CFAP54: variants seen among roughly 807,000 people sequenced by gnomAD.
CFAP54 encodes cilia- and flagella-associated protein 54.
Under a neutral mutation model 370.4 loss-of-function variants are expected in CFAP54, and 290 were observed. The observed-to-expected ratio is 0.78, with a 90% confidence interval of 0.71 to 0.86. The LOEUF is 0.86. Ranked by LOEUF, CFAP54 falls within the 40% of genes least tolerant of loss-of-function variation. The pLI, the probability that CFAP54 is intolerant of heterozygous loss-of-function variation, is 0.00. For synonymous variants in CFAP54, 1,206 were observed against 1,236.5 expected, an observed-to-expected ratio of 0.98 and a Z score of 0.52; for missense variants, 3,399 against 3,528.7, an observed-to-expected ratio of 0.96 and a Z score of 0.93.
intron 60 of CFAP54, among the ~76,000 whole-genome samples, chr12:96,780,305 T>C (rs1958568675): frequency 6.6e-6 from 1 of 152,190 alleles, no homozygotes; most frequent in Admixed American, 6.5e-5. Flanking sequence ...ATTTTTAATC[T>C]TTCACAGTTA....
In CFAP54 at chr12:96,573,079, G is replaced by A. The variant is rs548065936; in HGVS notation, c.2620-3506G>A. The A allele has an allele frequency of 2.5e-4, 235 of 950,528 alleles. No homozygotes were observed. The African/African-American group carries it at 3.4e-3, about 14-fold the overall frequency. The allele number at this position is 950,528 out of a possible 1,614,324, so 58.9% of individuals were successfully genotyped here. A position where few individuals can be genotyped will look rare whatever the true frequency, so the allele number is the denominator to read the frequency against. On this transcript the variant is annotated intron_variant, in intron 19 of 67. Coordinates refer to ENST00000524981, the MANE Select transcript of CFAP54 (RefSeq NM_001306084.2). ...AAAGGCAGTCTGCTTGACTATAAGG[G>A]CCAGTGGGCCAGTGCTGCTGGTATA...
intron 33 of CFAP54, among the ~76,000 whole-genome samples, chr12:96,647,417 G>T (rs190765086): frequency 4.7e-3 from 634 of 134,440 alleles, no homozygotes; most frequent in South Asian, 0.018. Flanking sequence ...AGCTTGCAGT[G>T]AGCCGATATC....
rs559664746 is a variant in CFAP54 at position 96,610,150 on chromosome 12, A to G, written c.3639+11383A>G. On this transcript the variant is annotated intron_variant, in intron 26 of 67. Transcript: ENST00000524981. Reference sequence around the variant, plus strand: ...AATAGAGAGTCCAGGAATGGCCCCTAAGTCTACAGAAGAAATTAATATATG... The same window carrying G: ...AATAGAGAGTCCAGGAATGGCCCCTGAGTCTACAGAAGAAATTAATATATG... 4.6e-5 allele frequency among the ~76,000 whole-genome samples: 7 copies of G among 152,356 alleles called. No individual in the cohort carries two copies. In the East Asian group the frequency reaches 1.2e-3, roughly 25 times the overall value.
chr12:96,638,204 C>CATATATATATATATATATATATAT (rs1491263304), intron 32 of CFAP54, among the ~76,000 whole-genome samples: 1 of 72,050 alleles, frequency 1.4e-5, no homozygotes, highest in African/African-American at 4.8e-5. Flanking sequence ...TATATATATG[C>CATATATATATATATATATATATAT]ATGTGTGTGT....
intron 55 of CFAP54, among the ~76,000 whole-genome samples, chr12:96,749,954 T>C (rs1958164296): frequency 6.6e-6 from 1 of 152,168 alleles, no homozygotes; most frequent in Non-Finnish European, 1.5e-5. Flanking sequence ...CCTATATGGG[T>C]TGGCTGTATA....
chr12:96,563,901 G>A (rs1369885467), intron 17 of CFAP54, among the ~76,000 whole-genome samples: 2 of 152,066 alleles, frequency 1.3e-5, no homozygotes, highest in Non-Finnish European at 2.9e-5. Flanking sequence ...CCACATTCCT[G>A]TCTTTACTGA....
intron 9 of CFAP54, among the ~76,000 whole-genome samples, chr12:96,530,590 G>T (rs1257948116): frequency 6.6e-6 from 1 of 152,168 alleles, no homozygotes; most frequent in Non-Finnish European, 1.5e-5. Context: ...AAGGACATTT[G>T]AATTATTTCC....
intron 38 of CFAP54, among the ~76,000 whole-genome samples, chr12:96,659,292 C>T (rs1422076503): frequency 6.6e-6 from 1 of 152,056 alleles, no homozygotes; most frequent in Non-Finnish European, 1.5e-5. Context: ...TGCCAACACG[C>T]CCGGCTAATT....
At chr12:96,514,654 G>C (rs936673789) in intron 5 of CFAP54, among the ~76,000 whole-genome samples, 1 of 152,216 alleles carries the variant, frequency 6.6e-6, no homozygotes, top group Non-Finnish European at 1.5e-5. Context: ...ACATTTGACT[G>C]TTAGTGTTTG....
intron 48 of CFAP54, among the ~76,000 whole-genome samples, chr12:96,716,740 T>A (rs1238233567): frequency 6.6e-6 from 1 of 152,218 alleles, no homozygotes; most frequent in Non-Finnish European, 1.5e-5. Context: ...GGGTGGCACA[T>A]GAGCCCTTAA....
chr12:96,615,816 C>G (rs1392744157), intron 26 of CFAP54, among the ~76,000 whole-genome samples: 1 of 152,158 alleles, frequency 6.6e-6, no homozygotes, highest in Non-Finnish European at 1.5e-5. Context: ...CAATGAGATA[C>G]CATCTCACAC....
At chr12:96,527,136 A>G (rs1189256609) in intron 8 of CFAP54, 110 bp from the exon 9 acceptor site, 12 of 954,452 alleles carry the variant, frequency 1.3e-5, no homozygotes, top group African/African-American at 6.7e-5. Context: ...GGGTCAAGCA[A>G]TCCTCCTGCC....
chr12:96,515,879 C>T (rs1955225188), intron 5 of CFAP54, among the ~76,000 whole-genome samples: 1 of 151,502 alleles, frequency 6.6e-6, no homozygotes, highest in South Asian at 2.1e-4. Context: ...CTTCACACCA[C>T]CACTTTGAGA....
intron 26 of CFAP54, among the ~76,000 whole-genome samples, chr12:96,619,876 C>G (rs528968467): frequency 1.3e-5 from 2 of 152,268 alleles, no homozygotes; most frequent in Admixed American, 1.3e-4. Context: ...GCTGAACATT[C>G]AAGGTTTTGC....
chr12:96,593,483 G>C (rs557858740), intron 24 of CFAP54, among the ~76,000 whole-genome samples: 2 of 152,232 alleles, frequency 1.3e-5, no homozygotes, highest in Admixed American at 1.3e-4. Flanking sequence ...TCACTGTCCT[G>C]TAGAGCCCAA....
At chr12:96,566,072 A>G (rs895514778) in intron 19 of CFAP54, among the ~76,000 whole-genome samples, 2 of 152,160 alleles carry the variant, frequency 1.3e-5, no homozygotes, top group Non-Finnish European at 2.9e-5. Context: ...CTCTTCTGCC[A>G]TGATTGTAAC....
chr12:96,621,161 T>C (rs956954342), intron 26 of CFAP54, among the ~76,000 whole-genome samples: 1 of 152,218 alleles, frequency 6.6e-6, no homozygotes. Flanking sequence ...ATATAAATGC[T>C]CCTTAAGACA....
intron 67 of CFAP54, among the ~76,000 whole-genome samples, chr12:96,869,458 G>A (rs571235003): frequency 3.3e-5 from 5 of 152,196 alleles, no homozygotes; most frequent in South Asian, 2.1e-4. Context: ...ACATAGTTCC[G>A]CTTGAGGTGC....
intron 22 of CFAP54, among the ~76,000 whole-genome samples, chr12:96,588,362 T>C (rs1246446144): frequency 1.3e-5 from 2 of 152,198 alleles, no homozygotes; most frequent in East Asian, 3.8e-4. Context: ...AATCTTCATG[T>C]CTCCTTTTCT....
Sources: allele counts gnomAD v4.1 joint callset (sites outside exome capture counted in the v4.1 genomes callset), GRCh38; gene constraint gnomAD v4.1.1; transcripts MANE v1.5; gene names NCBI Gene and HGNC (gene_info 2026-07-23, HGNC 2026-07-21).